Variants in CFAP54 observed in about 807,000 individuals in gnomAD.
The protein encoded by CFAP54 is cilia and flagella associated protein 54.
A neutral mutation model predicts 370.4 loss-of-function variants in CFAP54; 290 were observed. The observed-to-expected ratio is 0.78, with a 90% CI of 0.71 to 0.86. The LOEUF (loss-of-function observed/expected upper bound fraction) is 0.86, where lower values mean the gene tolerates loss of function less well. Among genes scored for constraint, CFAP54 ranks in the 40% least tolerant of loss-of-function variants. The pLI is 0.00. For synonymous variants in CFAP54, 1,206 were observed against 1,236.5 expected, an observed-to-expected ratio of 0.98 and a Z score of 0.52; for missense variants, 3,399 against 3,528.7, an observed-to-expected ratio of 0.96 and a Z score of 0.93.
intron 60 of CFAP54, among the ~76,000 whole-genome samples, chr12:96,767,446 C>T (rs1364660527): frequency 6.6e-6 from 1 of 152,182 alleles, no homozygotes; most frequent in Non-Finnish European, 1.5e-5. Context: ...GTGTCAGTGG[C>T]TTTCATAGCA....
At chr12:96,712,773 A>G (rs192733291) in intron 48 of CFAP54, among the ~76,000 whole-genome samples, 30 of 152,290 alleles carry the variant, frequency 2.0e-4, no homozygotes, top group Non-Finnish European at 3.7e-4. Flanking sequence ...AGAACAGGCA[A>G]TGTTTTTCTT....
Position 96,651,620 on chromosome 12 carries a change from G to A in CFAP54, c.4905G>A (p.Leu1635=), listed in dbSNP as rs760296877. The change falls in exon 36 of 68, where the codon CTG becomes CTA. Residue 1635 remains leucine (L), a synonymous_variant. Transcript: ENST00000524981. ...CTCATCGTGGTGGCTATTGGACTCT[G>A]CTTCAGAACTGCTGTCGGGCCTTAT... The part of the protein sequence containing the change: ...VLAHRGGYWT[L]LQNCCRALWN... The A allele has an allele frequency of 6.2e-7, 1 of 1,614,162 alleles. No individual in the cohort carries two copies. The highest frequency in any genetic ancestry group is 1.1e-5 in the South Asian group (1 of 91,076).
intron 32 of CFAP54, among the ~76,000 whole-genome samples, chr12:96,643,124 A>G (rs959209951): frequency 2.0e-5 from 3 of 152,282 alleles, no homozygotes; most frequent in South Asian, 4.1e-4. Context: ...TATATTTTTA[A>G]CTTTCAGGAT....
chr12:96,866,103 A>G (rs1347707786), intron 67 of CFAP54, among the ~76,000 whole-genome samples: 1 of 152,088 alleles, frequency 6.6e-6, no homozygotes, highest in African/African-American at 2.4e-5. Context: ...TGTAAAATCC[A>G]TCTATCATCC....
chr12:96,855,261 GA>G (rs913468254), intron 66 of CFAP54, among the ~76,000 whole-genome samples: 3 of 152,088 alleles, frequency 2.0e-5, no homozygotes, highest in African/African-American at 7.2e-5. Context: ...TTTGGGTGGG[GA>G]CACAGCCAAA....
chr12:96,748,276 A>T (rs1016505164), intron 55 of CFAP54, among the ~76,000 whole-genome samples: 1 of 152,202 alleles, frequency 6.6e-6, no homozygotes, highest in Non-Finnish European at 1.5e-5. Flanking sequence ...TCTAGCTCCC[A>T]GATTTTACTG....
At chr12:96,745,139 G>T (rs1958099383) in intron 55 of CFAP54, among the ~76,000 whole-genome samples, 1 of 152,190 alleles carries the variant, frequency 6.6e-6, no homozygotes, top group Non-Finnish European at 1.5e-5. Context: ...GAATAGTGCT[G>T]CAGTGCACAT....
In CFAP54 at chr12:96,505,450, T is replaced by C. The variant is rs144221332; in HGVS notation, c.567+1421T>C. On this transcript the variant is annotated intron_variant, in intron 3 of 67. Transcript: ENST00000524981. ...TAAAGTCCAAATTCCTTGGAATACA[T>C]GGAATGCTCTCTCTCTTTTTCTGAG... Among the ~76,000 whole-genome samples, 3 of 152,062 alleles carry C rather than the reference T, an allele frequency of 2.0e-5. No homozygotes were observed. In the East Asian group the frequency reaches 5.8e-4, roughly 29 times the overall value.
At chr12:96,597,672 GACA>G (rs1282636900) in intron 25 of CFAP54, among the ~76,000 whole-genome samples, 3 of 151,520 alleles carry the variant, frequency 2.0e-5, no homozygotes, top group African/African-American at 7.3e-5. Context: ...TTTCTCACCA[GACA>G]TGGTTGTCCA....
intron 63 of CFAP54, among the ~76,000 whole-genome samples, chr12:96,798,232 C>T (rs539905338): frequency 3.3e-5 from 5 of 151,982 alleles, no homozygotes; most frequent in African/African-American, 9.6e-5. Context: ...GCATTTTAGA[C>T]GTTTCTTCTA....
At chr12:96,531,164 T>C (rs1465219591) in intron 9 of CFAP54, among the ~76,000 whole-genome samples, 2 of 152,198 alleles carry the variant, frequency 1.3e-5, no homozygotes, top group African/African-American at 4.8e-5. Flanking sequence ...TCTAAATTCA[T>C]TTCTTTTTGC....
At chr12:96,674,159 G>A (rs1334838933) in intron 39 of CFAP54, among the ~76,000 whole-genome samples, 1 of 152,108 alleles carries the variant, frequency 6.6e-6, no homozygotes, top group African/African-American at 2.4e-5. Flanking sequence ...CAGCCCTTTG[G>A]CAGGTGTGTT....
At chr12:96,785,645 G>A (rs1958621659) in intron 61 of CFAP54, among the ~76,000 whole-genome samples, 1 of 152,124 alleles carries the variant, frequency 6.6e-6, no homozygotes, top group Non-Finnish European at 1.5e-5. Context: ...AGAGGGAAAG[G>A]ACATGGACAA....
chr12:96,560,875 A>G lies in CFAP54; in HGVS notation c.2411-3593A>G, dbSNP rs141283669. On this transcript the variant is annotated intron_variant, in intron 17 of 67. Transcript: ENST00000524981. ...GGTGATCCTTCCTGAATTAATTATT[A>G]CAGTGGTTGTACGTGATGATTTTCT... 7.5e-4 allele frequency among the ~76,000 whole-genome samples: 114 copies of G among 152,306 alleles called. 1 individual carries two copies. The highest frequency in any genetic ancestry group is 6.0e-4 in the Non-Finnish European group (41 of 68,018).
chr12:96,869,234 G>GT (rs933464646), intron 67 of CFAP54, among the ~76,000 whole-genome samples: 13 of 150,950 alleles, frequency 8.6e-5, no homozygotes, highest in Non-Finnish European at 7.4e-5. Flanking sequence ...AAAATAATGT[G>GT]TTTTTTTTTC....
At chr12:96,758,255 CT>C (rs938926401) in intron 58 of CFAP54, among the ~76,000 whole-genome samples, 1 of 152,042 alleles carries the variant, frequency 6.6e-6, no homozygotes, top group Non-Finnish European at 1.5e-5. Flanking sequence ...CATTTTCACG[CT>C]GCTAATAAAG....
chr12:96,855,807 G>A (rs1034155743), intron 66 of CFAP54, among the ~76,000 whole-genome samples: 7 of 152,184 alleles, frequency 4.6e-5, no homozygotes, highest in African/African-American at 1.7e-4. Flanking sequence ...TCTGGAGTCT[G>A]GAGGATGGTG....
intron 25 of CFAP54, among the ~76,000 whole-genome samples, chr12:96,594,791 T>C (rs1956160271): frequency 1.3e-5 from 2 of 152,260 alleles, no homozygotes; most frequent in South Asian, 2.1e-4. Context: ...ATCCATCATC[T>C]GGAGAAAAAC....
rs547904334 is a variant in CFAP54 at position 96,499,392 on chromosome 12, A to G, written c.318-1442A>G. Among the ~76,000 whole-genome samples the G allele has an allele frequency of 1.2e-3, 186 of 152,336 alleles. 2 individuals carry two copies. The highest frequency in any genetic ancestry group is 1.9e-3 in the Non-Finnish European group (130 of 68,046). On this transcript the variant is annotated intron_variant, in intron 1 of 67. Coordinates refer to ENST00000524981, the MANE Select transcript of CFAP54 (RefSeq NM_001306084.2). ...GCTCCACATCATATGTAATCAGGGG[A>G]ATGCAAATTAAAGCAACAATAAGAT...
Sources: allele counts gnomAD v4.1 joint callset (sites outside exome capture counted in the v4.1 genomes callset), GRCh38; gene constraint gnomAD v4.1.1; transcripts MANE v1.5; gene names NCBI Gene and HGNC (gene_info 2026-07-23, HGNC 2026-07-21).